Variants in ARFGEF2 observed in about 807,000 individuals in gnomAD.
ARFGEF2 encodes brefeldin A-inhibited guanine nucleotide-exchange protein 2.
In ARFGEF2, 74 loss-of-function variants were observed where a neutral mutation model predicts 219.9. The ratio of observed to expected loss-of-function variants is 0.34; its 90% CI spans 0.28 to 0.41. ARFGEF2 has a LOEUF of 0.41. Ranked by LOEUF, ARFGEF2 falls within the 10% of genes least tolerant of loss-of-function variation. The pLI is 1.00. For synonymous variants in ARFGEF2, 733 were observed against 799.2 expected (o/e 0.92, Z 1.40); for missense variants, 1,743 against 2,218.3 (o/e 0.79, Z 4.30).
intron 1 of ARFGEF2, among the ~76,000 whole-genome samples, chr20:48,932,807 C>T (rs1352895325): frequency 1.3e-5 from 2 of 152,180 alleles, no homozygotes; most frequent in African/African-American, 4.8e-5. Context: ...TGACCAGCCT[C>T]ACCAGGCTGG....
At chr20:48,985,009 C>T (rs751547999) in intron 15 of ARFGEF2, 169 bp downstream of exon 15, 28 of 728,792 alleles carry the variant, frequency 3.8e-5, no homozygotes, top group Non-Finnish European at 4.5e-5. Flanking sequence ...CTGTGTATCC[C>T]GTTGGCTAGT....
intron 3 of ARFGEF2, among the ~76,000 whole-genome samples, chr20:48,942,473 GTTTTTTTTTTTTTT>G (rs58144046): frequency 5.4e-5 from 4 of 73,498 alleles, no homozygotes; most frequent in African/African-American, 1.9e-4. Context: ...TTCTTACTTG[GTTTTTTTTTTTTTT>G]TTTTTTTTTT....
intron 8 of ARFGEF2, among the ~76,000 whole-genome samples, chr20:48,966,916 G>A (rs1027568895): frequency 5.9e-5 from 9 of 152,002 alleles, no homozygotes; most frequent in Admixed American, 3.9e-4. Flanking sequence ...GTGTGATCTC[G>A]ACTCACTGCA....
At chr20:48,933,559 T>C (rs1302121962) in intron 1 of ARFGEF2, among the ~76,000 whole-genome samples, 1 of 152,192 alleles carries the variant, frequency 6.6e-6, no homozygotes, top group Non-Finnish European at 1.5e-5. Flanking sequence ...AGGGTTCCAC[T>C]CATTCTCCTT....
At chr20:48,941,760 GT>G (rs1488248615) in intron 2 of ARFGEF2, 103 bp from the exon 3 acceptor site, 22 of 1,547,340 alleles carry the variant, frequency 1.4e-5, no homozygotes, top group Non-Finnish European at 1.9e-5. Context: ...CCAGGATATA[GT>G]TTGCAGGCAC....
Position 49,016,356 on chromosome 20 carries a change from C to A in ARFGEF2, c.4256C>A (p.Ala1419Asp). 6.2e-7 allele frequency: 1 copy of A among 1,613,882 alleles called. No homozygotes were observed. The highest frequency in any genetic ancestry group is 8.5e-7 in the Non-Finnish European group (1 of 1,179,962). The change falls in exon 31 of 39, where the codon GCT (alanine) becomes GAT (aspartate). Residue 1419 changes from alanine (A) to aspartate (D), a missense_variant. Ala to Asp is a moderately radical substitution (Grantham distance 126). Coordinates refer to ENST00000371917, the MANE Select transcript of ARFGEF2 (RefSeq NM_006420.3). ...ICDVFTQFYEALNEVLLSDVF... is the reference protein window; with the variant it reads ...ICDVFTQFYEDLNEVLLSDVF... The stretch of plus-strand genomic sequence containing the variant: ...GATGTTTTTACCCAGTTTTATGAAG[C>A]TTTGAATGAAGTTCTTCTTTCTGAT...
At chr20:49,011,813 GTTAA>G in intron 27 of ARFGEF2, 107 bp from the exon 28 acceptor site, 1 of 1,266,220 alleles carries the variant, frequency 7.9e-7, no homozygotes. Flanking sequence ...GATTTTCACA[GTTAA>G]TTATCTCTGA....
chr20:48,935,884 A>C (rs1349534602), intron 1 of ARFGEF2, among the ~76,000 whole-genome samples: 1 of 109,528 alleles, frequency 9.1e-6, no homozygotes, highest in African/African-American at 4.2e-5. Flanking sequence ...CTTACTTCCC[A>C]GTAGGGGCGG....
At chr20:49,020,824 GCACT>G (rs2091560952) in intron 34 of ARFGEF2, among the ~76,000 whole-genome samples, 1 of 152,004 alleles carries the variant, frequency 6.6e-6, no homozygotes. Context: ...AATAGGAGAA[GCACT>G]CTCCGTGCAG....
At chr20:48,971,434 C>A in intron 10 of ARFGEF2, 80 bp downstream of exon 10, 1 of 1,111,162 alleles carries the variant, frequency 9.0e-7, no homozygotes, top group Non-Finnish European at 1.3e-6. Context: ...ATTGAGAATG[C>A]TGCTAATATT....
At position 48,965,963 on chromosome 20, in the gene ARFGEF2, A is replaced by G; in HGVS notation, c.999A>G (p.Glu333=). ...GTGCTATTCCCCCAGGAGTTGATGA[A>G]AACTCACAGACCAACGGGATAGCCG... ...QECAIPPGVD[E]NSQTNGIADD... The change falls in exon 8 of 39, where the codon GAA becomes GAG. Residue 333 remains glutamate (E), a synonymous_variant. Transcript: ENST00000371917. 1 of 1,614,178 alleles carries G rather than the reference A, an allele frequency of 6.2e-7. No individual in the cohort carries two copies.
intron 6 of ARFGEF2, among the ~76,000 whole-genome samples, chr20:48,956,080 G>A (rs964600027): frequency 8.5e-5 from 13 of 152,270 alleles, no homozygotes; most frequent in African/African-American, 2.9e-4. Context: ...ACCCAGGGGC[G>A]GAGTCCAGGC....
intron 23 of ARFGEF2, among the ~76,000 whole-genome samples, chr20:48,997,063 T>C (rs1281171266): frequency 6.6e-6 from 1 of 152,122 alleles, no homozygotes; most frequent in African/African-American, 2.4e-5. Flanking sequence ...AACCACGTAG[T>C]TTCCTTATAC....
rs866319620 is a variant in ARFGEF2, at chr20:48,998,398, C to T, written c.3325C>T (p.Arg1109Cys). 1.1e-5 allele frequency: 17 copies of T among 1,613,974 alleles called. No individual in the cohort carries two copies. Among genetic ancestry groups the T allele is most frequent in the Non-Finnish European group, 1.4e-5 (16 of 1,180,038 alleles). The change falls in exon 25 of 39, where the codon CGC (arginine) becomes TGC (cysteine). Residue 1109 changes from arginine (R) to cysteine (C), a missense_variant. Arg to Cys is a radical substitution (Grantham distance 180). Transcript: ENST00000371917. Reference protein sequence around the residue: ...MDELASPHHPRMFSLQKIVEI... With the variant: ...MDELASPHHPCMFSLQKIVEI... Reference sequence around the variant, plus strand: ...TGAACTGGCTTCCCCCCACCATCCTCGCATGTTCAGCTTGCAGAAGATTGT... The same window carrying T: ...TGAACTGGCTTCCCCCCACCATCCTTGCATGTTCAGCTTGCAGAAGATTGT...
intron 14 of ARFGEF2, among the ~76,000 whole-genome samples, chr20:48,978,462 C>T (rs1020472226): frequency 1.3e-5 from 2 of 152,192 alleles, no homozygotes; most frequent in South Asian, 2.1e-4. Context: ...CGCTCTTTTT[C>T]GGTTCCATAT....
Position 49,013,680 on chromosome 20 carries a change from A to C in ARFGEF2, c.4035A>C (p.Leu1345Phe). 1.2e-6 allele frequency: 2 copies of C among 1,614,206 alleles called. No homozygotes were observed. The highest frequency in any genetic ancestry group is 1.7e-6 in the Non-Finnish European group (2 of 1,180,038). The part of the protein sequence containing the change: ...ELSCIINRCK[L>F]DVRTRGLTVM... ...CCTGCATCATTAATAGATGCAAGTT[A>C]GATGTACGAACAAGGTAACCATGTT... The change falls in exon 29 of 39, where the codon TTA becomes TTC. Residue 1345 changes from leucine (L) to phenylalanine (F), a missense_variant. By Grantham distance (22) the Leu-to-Phe change is conservative (BLOSUM62 0). Transcript: ENST00000371917.
chr20:48,941,355 G>T, intron 2 of ARFGEF2, 126 bp downstream of exon 2: 2 of 1,004,578 alleles, frequency 2.0e-6, no homozygotes, highest in Non-Finnish European at 3.1e-6. Context: ...CACTCTGCAA[G>T]CATGGTGCTA....
chr20:48,932,359 A>C (rs1336865465), intron 1 of ARFGEF2, among the ~76,000 whole-genome samples: 1 of 152,082 alleles, frequency 6.6e-6, no homozygotes, highest in Admixed American at 6.5e-5. Context: ...GAGTTGGGCC[A>C]TTGAGGGTGG....
intron 25 of ARFGEF2, among the ~76,000 whole-genome samples, chr20:49,000,119 C>T (rs1472061980): frequency 6.6e-6 from 1 of 152,220 alleles, no homozygotes; most frequent in Non-Finnish European, 1.5e-5. Context: ...ATGGGCACCT[C>T]ATTACCTCTT....
Sources: gnomAD v4.1 joint callset for allele counts (sites outside exome capture counted in the v4.1 genomes callset) on GRCh38, gnomAD v4.1.1 for gene constraint, MANE v1.5 for transcripts, NCBI Gene and HGNC (gene_info 2026-07-23, HGNC 2026-07-21) for gene names.